The following MUC6 variants were observed in gnomAD, a reference collection of about 807,000 sequenced individuals.
The protein encoded by MUC6 is mucin-6.
A neutral mutation model predicts 201.5 loss-of-function variants in MUC6; 188 were observed. The ratio of observed to expected loss-of-function variants is 0.93; its 90% CI spans 0.83 to 1.05. The LOEUF is 1.05. Ranked by LOEUF, MUC6 falls within the 50% of genes least tolerant of loss-of-function variation. The pLI is 0.00. For missense variants in MUC6, 2,706 were observed against 3,256.9 expected, an observed-to-expected ratio of 0.83 and a Z score of 4.12; for synonymous variants, 1,228 against 1,389.4, an observed-to-expected ratio of 0.88 and a Z score of 2.58.
In MUC6 at chr11:1,025,981, C is replaced by T; in HGVS notation, c.2688+19G>A. 4 of 1,588,510 alleles carry T rather than the reference C, an allele frequency of 2.5e-6. No homozygotes were observed. Among genetic ancestry groups the T allele is most frequent in the Non-Finnish European group, 2.6e-6 (3 of 1,167,908 alleles). ...GCCTCTGGGTCCCCGGCCCCTGCGG[C>T]CTGGCACCCGATGGTTACCGTGGCC... On this transcript the variant is annotated intron_variant, in intron 21 of 32. Coordinates refer to ENST00000421673, the MANE Select transcript of MUC6 (RefSeq NM_005961.3).
chr11:1,028,552 G>C, intron 13 of MUC6, 94 bp downstream of exon 13: 1 of 1,547,062 alleles, frequency 6.5e-7, no homozygotes, highest in Non-Finnish European at 8.8e-7. Flanking sequence ...ACAGAGGGTT[G>C]TGTGAACCTC....
chr11:1,027,001 C>T lies in MUC6; in HGVS notation c.2334G>A (p.Glu778=), dbSNP rs748473668. The T allele has an allele frequency of 1.9e-6, 3 of 1,602,934 alleles. No individual in the cohort carries two copies. In the South Asian group the frequency reaches 3.4e-5, roughly 18 times the overall value. ...KTFKSCSQSS[E]NKFGAACAPT... Reference sequence around the variant, plus strand: ...GGGCACAGGCTGCCCCAAACTTGTTCTCGGAGGACTGGCTGCAGGACTTGA... The same window carrying T: ...GGGCACAGGCTGCCCCAAACTTGTTTTCGGAGGACTGGCTGCAGGACTTGA... Residue 778 remains glutamate (E), a synonymous_variant, in exon 19 of 33, where the codon GAG becomes GAA. Transcript: ENST00000421673.
chr11:1,017,914 G>C lies in MUC6; in HGVS notation c.4887C>G (p.His1629Gln). The change falls in exon 31 of 33, where the codon CAC becomes CAG. Residue 1629 changes from histidine to glutamine, a missense_variant. His to Gln is a conservative substitution (Grantham distance 24). Transcript: ENST00000421673. ...GTGCATGGGTAGGGGTGATGACTGT[G>C]TGAGTACTTGGAGTCACCAAAGAGG... The part of the protein sequence containing the change: ...FSTSLVTPST[H>Q]TVITPTHAQM... The C allele has an allele frequency of 6.2e-7, 1 of 1,614,138 alleles. No homozygotes were observed. Among genetic ancestry groups the C allele is most frequent in the Non-Finnish European group, 8.5e-7 (1 of 1,179,920 alleles).
intron 1 of MUC6, among the ~76,000 whole-genome samples, chr11:1,035,530 C>A (rs1431195518): frequency 6.7e-6 from 1 of 150,018 alleles, no homozygotes; most frequent in Non-Finnish European, 1.5e-5. Context: ...CCCATATCTC[C>A]TACAGTTGAA....
rs779333926 is a variant in MUC6, at chr11:1,033,180, G to C, written c.53-105C>G. On this transcript the variant is annotated intron_variant, in intron 1 of 32. Transcript: ENST00000421673. The surrounding 1 kb of genome is among the most constrained non-coding windows in gnomAD (Gnocchi z 5.6). ...TCCGCCCGTTTCCCTGCACACACTC[G>C]GCGTGCGAGAAGTGTCCATGGCCCG... The C allele has an allele frequency of 8.6e-7, 1 of 1,164,568 alleles. No individual in the cohort carries two copies. The highest frequency in any genetic ancestry group is 1.2e-5 in the South Asian group (1 of 80,720). 72.1% of individuals were successfully genotyped at this position (1,164,568 alleles called of 1,614,324 possible). A position where few individuals can be genotyped will look rare whatever the true frequency, so the allele number is the denominator to read the frequency against.
Position 1,031,834 on chromosome 11 carries a change from A to G in MUC6, c.335T>C (p.Ile112Thr), listed in dbSNP as rs749472418. The G allele has an allele frequency of 8.7e-6, 14 of 1,610,214 alleles. No individual in the cohort carries two copies. The South Asian group carries it at 1.5e-4, about 18-fold the overall frequency. ...GASVVTVSEA[I>T]ISVKDIGVIS... ...CTACCCGATGTCCTTGACTGAGATGATGGCTTCGCTCACAGTGACGACGGA... is the reference window on the plus strand; with the variant it reads ...CTACCCGATGTCCTTGACTGAGATGGTGGCTTCGCTCACAGTGACGACGGA... Residue 112 changes from isoleucine (I) to threonine (T), a missense_variant, in exon 3 of 33, where the codon ATC becomes ACC. Coordinates refer to ENST00000421673, the MANE Select transcript of MUC6 (RefSeq NM_005961.3).
chr11:1,023,410 G>C, intron 26 of MUC6, 99 bp downstream of exon 26: 1 of 1,389,420 alleles, frequency 7.2e-7, no homozygotes, highest in South Asian at 1.4e-5. Flanking sequence ...GAGCATGAAT[G>C]AATGTGTGAA....
chr11:1,021,986 C>T (rs1048021465), intron 26 of MUC6, among the ~76,000 whole-genome samples: 1 of 151,738 alleles, frequency 6.6e-6, no homozygotes, highest in African/African-American at 2.4e-5. Context: ...AAGACCCCTC[C>T]CTCCCGGCCA....
chr11:1,014,858 A>G (rs1856565217), intron 31 of MUC6, among the ~76,000 whole-genome samples: 1 of 152,140 alleles, frequency 6.6e-6, no homozygotes, highest in Non-Finnish European at 1.5e-5. Flanking sequence ...CTCCCCTCCC[A>G]GCTGGTTCCT....
rs542520797 is a variant in MUC6, at chr11:1,014,905, G to A, written c.7039+857C>T. On this transcript the variant is annotated intron_variant, in intron 31 of 32. Transcript: ENST00000421673. Reference sequence around the variant, plus strand: ...TCTGCTTCTTGGGGTCACCTCCCTGGTTACACCTTGCACCCAAGTCCCGGT... The same window carrying A: ...TCTGCTTCTTGGGGTCACCTCCCTGATTACACCTTGCACCCAAGTCCCGGT... 3.9e-4 allele frequency among the ~76,000 whole-genome samples: 60 copies of A among 152,286 alleles called. 2 individuals are homozygous for A. In the South Asian group the frequency reaches 0.011, roughly 28 times the overall value.
rs113451874 is a variant in MUC6, at chr11:1,021,268, T to C, written c.3536A>G (p.Asn1179Ser). 0.047 allele frequency: 73,903 copies of C among 1,580,990 alleles called. 1,975 individuals carry two copies. The highest frequency in any genetic ancestry group is 0.066 in the South Asian group (5,687 of 86,050). ...GTCGAAGTACTCATCCTGGGAGCAG[T>C]TGTAGCAGCCTAGGGTGGAGAACGG... ...VPGSNIEGCY[N>S]CSQDEYFDHE... is the part of the protein sequence containing the mutation. Residue 1179 changes from asparagine (N) to serine (S), a missense_variant, in exon 27 of 33, where the codon AAC (asparagine) becomes AGC (serine). Around this residue, in one of 10 missense-constraint regions of MUC6, gnomAD observed 1,850 missense variants for 1,958.3 expected, o/e 0.94. Coordinates refer to ENST00000421673, the MANE Select transcript of MUC6 (RefSeq NM_005961.3).
At chr11:1,030,050 C>G (rs921674826) in intron 8 of MUC6, among the ~76,000 whole-genome samples, 163 bp downstream of exon 8, 1 of 151,900 alleles carries the variant, frequency 6.6e-6, no homozygotes, top group African/African-American at 2.4e-5. Context: ...TGTAAGCGTC[C>G]AGGCGGGAAA....
chr11:1,032,852 ATG>A (rs1268315316), intron 2 of MUC6, among the ~76,000 whole-genome samples, 159 bp downstream of exon 2: 4 of 134,448 alleles, frequency 3.0e-5, no homozygotes, highest in Admixed American at 2.2e-4. Flanking sequence ...TATATTGGGT[ATG>A]TGTGTGTGTT....
rs1856521890 is a variant in MUC6 at position 1,013,388 on chromosome 11, G to A, written c.*68C>T. 1 of 1,450,440 alleles carries A rather than the reference G, an allele frequency of 6.9e-7. No individual in the cohort carries two copies. Among genetic ancestry groups the A allele is most frequent in the Non-Finnish European group, 9.3e-7 (1 of 1,075,764 alleles). 89.8% of individuals were successfully genotyped at this position (1,450,440 alleles called of 1,614,324 possible). A position where few individuals can be genotyped will look rare whatever the true frequency, so the allele number is the denominator to read the frequency against. On this transcript the variant is annotated 3_prime_UTR_variant, in exon 33 of 33. Transcript: ENST00000421673. ...CAGCTGCTGGCACAAGCGGGAAGGG[G>A]GCTGGTGGGTGTTTTCCTGTCTGTC...
intron 4 of MUC6, 75 bp from the exon 5 acceptor site, chr11:1,031,334 G>T: frequency 7.2e-7 from 1 of 1,387,232 alleles, no homozygotes; most frequent in Non-Finnish European, 9.7e-7. Context: ...CTCAGTTCCT[G>T]CTCCTGGACC....
intron 12 of MUC6, 44 bp downstream of exon 12, chr11:1,028,845 C>A: frequency 6.2e-7 from 1 of 1,609,978 alleles, no homozygotes; most frequent in Non-Finnish European, 8.5e-7. Context: ...CAGCCCGCCC[C>A]GAAGGCACAA....
In MUC6 at chr11:1,027,829, G is replaced by A. The variant is rs374037530; in HGVS notation, c.1849-12C>T. The A allele has an allele frequency of 6.2e-7, 1 of 1,607,898 alleles. No individual in the cohort carries two copies. Among genetic ancestry groups the A allele is most frequent in the Non-Finnish European group, 8.5e-7 (1 of 1,178,872 alleles). On this transcript the variant is annotated splice_polypyrimidine_tract_variant and intron_variant, in intron 15 of 32. Coordinates refer to ENST00000421673, the MANE Select transcript of MUC6 (RefSeq NM_005961.3). ...TGGTACACGCACCTCTGCGGGCAGA[G>A]AGCCAGCATGGGCTGGTGGCAGGCA...
At chr11:1,032,759 TAG>T (rs1046747536) in intron 2 of MUC6, among the ~76,000 whole-genome samples, 6 of 149,680 alleles carry the variant, frequency 4.0e-5, no homozygotes, top group Non-Finnish European at 5.9e-5. Context: ...TGTGTCTGTG[TAG>T]AGTGTTGGGT....
chr11:1,032,670 GGT>G (rs970976326), intron 2 of MUC6, among the ~76,000 whole-genome samples: 6 of 150,604 alleles, frequency 4.0e-5, no homozygotes, highest in South Asian at 4.2e-4. Context: ...ATGGGTGTTG[GGT>G]GTGTGTGCAT....
Sources: allele counts gnomAD v4.1 joint callset (sites outside exome capture counted in the v4.1 genomes callset), GRCh38; gene constraint gnomAD v4.1.1; regional missense constraint gnomAD v4.1.1; non-coding constraint Gnocchi (gnomAD v3.1); transcripts MANE v1.5; gene names NCBI Gene and HGNC (gene_info 2026-07-23, HGNC 2026-07-21).